Variants in LTBP1 observed in about 807,000 individuals in gnomAD.
The protein encoded by LTBP1 is latent-transforming growth factor beta-binding protein 1.
Under a neutral mutation model 207.6 loss-of-function variants are expected in LTBP1, and 129 were observed. That is an observed-to-expected ratio of 0.62 (90% CI 0.54 to 0.72). The LOEUF is 0.72. Ranked by LOEUF, LTBP1 falls within the 30% of genes least tolerant of loss-of-function variation. The pLI is 0.00. For synonymous variants in LTBP1, 963 were observed against 833.7 expected (o/e 1.16, Z -2.67); for missense variants, 2,281 against 2,217.2 (o/e 1.03, Z -0.58).
At chr2:33,075,351 A>G (rs2078025962) in intron 3 of LTBP1, among the ~76,000 whole-genome samples, 1 of 152,200 alleles carries the variant, frequency 6.6e-6, no homozygotes, top group Non-Finnish European at 1.5e-5. Flanking sequence ...TTGGGGGGCA[A>G]CATTTTCTAA....
At chr2:33,316,770 G>T (rs1285921459) in intron 24 of LTBP1, among the ~76,000 whole-genome samples, 2 of 152,322 alleles carry the variant, frequency 1.3e-5, no homozygotes, top group East Asian at 3.9e-4. Flanking sequence ...CTTCTGCAGA[G>T]ATTACAGTAT....
chr2:33,144,504 G>T (rs1307680574), intron 5 of LTBP1, among the ~76,000 whole-genome samples: 3 of 152,098 alleles, frequency 2.0e-5, no homozygotes, highest in East Asian at 3.9e-4. Context: ...AATACATTTT[G>T]GAACCAAAAG....
intron 24 of LTBP1, among the ~76,000 whole-genome samples, chr2:33,337,063 C>T (rs1272478796): frequency 6.6e-6 from 1 of 152,182 alleles, no homozygotes; most frequent in African/African-American, 2.4e-5. Flanking sequence ...ACCCCAACCT[C>T]TTTTAGAAAA....
At chr2:33,093,265 G>T (rs1309875976) in intron 3 of LTBP1, among the ~76,000 whole-genome samples, 1 of 152,192 alleles carries the variant, frequency 6.6e-6, no homozygotes, top group Non-Finnish European at 1.5e-5. Flanking sequence ...ATTTACAGCG[G>T]TTAAGATGGT....
chr2:33,388,686 C>T (rs569007976), intron 31 of LTBP1, among the ~76,000 whole-genome samples: 2 of 152,274 alleles, frequency 1.3e-5, no homozygotes, highest in South Asian at 2.1e-4. Context: ...GAGTTATAAT[C>T]GTGACTACTA....
rs2087284576 is a variant in LTBP1, at chr2:33,187,069, A to G, written c.1415A>G (p.Gln472Arg). ...TTGCCTCTGACCGTGACTAGCCAGC[A>G]AGGAGTCAAAGGTAAGCTTTTTTCA... ...HTLPLTVTSQ[Q>R]GVKVKFPPNI... is the part of the protein sequence containing the mutation. Residue 472 changes from glutamine to arginine, a missense_variant, in exon 6 of 34, where the codon CAA becomes CGA. This residue lies in a region of LTBP1 where 1,671 missense variants were observed against 1,634.8 expected (regional missense o/e 1.02). Coordinates refer to ENST00000404816, the MANE Select transcript of LTBP1 (RefSeq NM_206943.4). 3 of 1,613,850 alleles carry G rather than the reference A, an allele frequency of 1.9e-6. No individual in the cohort carries two copies. Among genetic ancestry groups the G allele is most frequent in the South Asian group, 2.2e-5 (2 of 91,058 alleles).
chr2:33,121,549 C>T (rs1482613867), intron 4 of LTBP1, among the ~76,000 whole-genome samples: 1 of 152,104 alleles, frequency 6.6e-6, no homozygotes, highest in African/African-American at 2.4e-5. Flanking sequence ...CCCTTAATGG[C>T]TACAGGTGCA....
Position 33,188,643 on chromosome 2 carries a change from A to T in LTBP1, c.1493A>T (p.His498Leu), listed in dbSNP as rs762694510. Residue 498 changes from histidine to leucine, a missense_variant, in exon 7 of 34, where the codon CAT (histidine) becomes CTT (leucine). Physicochemically the swap from His to Leu is moderately conservative, Grantham distance 99. This residue lies in a region of LTBP1 where 1,671 missense variants were observed against 1,634.8 expected (regional missense o/e 1.02). Coordinates refer to ENST00000404816, the MANE Select transcript of LTBP1 (RefSeq NM_206943.4). ...CCTCCTGAAGCTTCCGTCCAGATAC[A>T]TCAGGTTTCAAGAATTGATGGCCCA... ...KHPPEASVQIHQVSRIDGPTG... is the reference protein window; with the variant it reads ...KHPPEASVQILQVSRIDGPTG... 6.2e-7 allele frequency: 1 copy of T among 1,614,156 alleles called. No homozygotes were observed. Among genetic ancestry groups the T allele is most frequent in the Non-Finnish European group, 8.5e-7 (1 of 1,180,006 alleles).
chr2:33,210,038 C>T (rs1483968092), intron 7 of LTBP1, among the ~76,000 whole-genome samples: 1 of 152,234 alleles, frequency 6.6e-6, no homozygotes, highest in Non-Finnish European at 1.5e-5. Flanking sequence ...TGCCCTCTTG[C>T]CATTTACCCA....
At chr2:33,140,293 C>T (rs1466051631) in intron 5 of LTBP1, among the ~76,000 whole-genome samples, 1 of 152,136 alleles carries the variant, frequency 6.6e-6, no homozygotes, top group Non-Finnish European at 1.5e-5. Flanking sequence ...GAGGGGCAAG[C>T]ATATGGAGTT....
At chr2:33,126,037 T>G (rs1319057803) in intron 4 of LTBP1, among the ~76,000 whole-genome samples, 1 of 152,066 alleles carries the variant, frequency 6.6e-6, no homozygotes, top group Non-Finnish European at 1.5e-5. Flanking sequence ...GGTGGTTCAC[T>G]CATGTGACTG....
chr2:33,122,166 C>G lies in LTBP1; in HGVS notation c.1033+11415C>G, dbSNP rs1013317802. Among the ~76,000 whole-genome samples the G allele has an allele frequency of 2.0e-5, 3 of 149,690 alleles. No individual in the cohort carries two copies. The East Asian group carries it at 5.8e-4, about 29-fold the overall frequency. On this transcript the variant is annotated intron_variant, in intron 4 of 33. Coordinates refer to ENST00000404816, the MANE Select transcript of LTBP1 (RefSeq NM_206943.4). ...GTGGAACGAGTCTATGGGTTCGGAGCGGGAGCTTCGTTCGAGAGGAATTGC... is the reference window on the plus strand; with the variant it reads ...GTGGAACGAGTCTATGGGTTCGGAGGGGGAGCTTCGTTCGAGAGGAATTGC...
intron 31 of LTBP1, 60 bp from the exon 32 acceptor site, chr2:33,389,124 G>C: frequency 6.2e-7 from 1 of 1,608,986 alleles, no homozygotes; most frequent in Non-Finnish European, 8.5e-7. Flanking sequence ...GAGCTGCGAG[G>C]GGGTGGGGCA....
At position 33,082,431 on chromosome 2, in the gene LTBP1, A is replaced by AATTTTT. The variant is rs2078468929; in HGVS notation, c.864-28151_864-28150insATTTTT. ...GTTAACCGTGGCTAAAGTATGACTC[A>AATTTTT]CTTTTTTTTTTTTTTTTTTTTTTTT... On this transcript the variant is annotated intron_variant, in intron 3 of 33. Coordinates refer to ENST00000404816, the MANE Select transcript of LTBP1 (RefSeq NM_206943.4). Among the ~76,000 whole-genome samples the AATTTTT allele has an allele frequency of 3.4e-5, 4 of 116,044 alleles. 2 individuals carry two copies. The allele number at this position is 116,044 out of a possible 152,430, so 76.1% of individuals were successfully genotyped here. A position where few individuals can be genotyped will look rare whatever the true frequency, so the allele number is the denominator to read the frequency against.
chr2:33,267,804 T>G lies in LTBP1; in HGVS notation c.2617+4412T>G, dbSNP rs568150331. ...TGCAGTTTCAACATTTAAATGTAGC[T>G]GTGTGAAGGGTAACAAATTGAAGTT... On this transcript the variant is annotated intron_variant, in intron 15 of 33. Transcript: ENST00000404816. Among the ~76,000 whole-genome samples, 303 of 152,360 alleles carry G rather than the reference T, an allele frequency of 2.0e-3. 3 individuals are homozygous for G. Among genetic ancestry groups the G allele is most frequent in the African/African-American group, 6.6e-3 (274 of 41,588 alleles).
intron 31 of LTBP1, among the ~76,000 whole-genome samples, chr2:33,365,780 A>G (rs2150111231): frequency 6.6e-6 from 1 of 152,294 alleles, no homozygotes; most frequent in South Asian, 2.1e-4. Context: ...CTTAGCAATC[A>G]GTGGCATAGG....
At chr2:32,968,915 G>GTTTT (rs758748013) in intron 2 of LTBP1, among the ~76,000 whole-genome samples, 1 of 86,248 alleles carries the variant, frequency 1.2e-5, no homozygotes. Flanking sequence ...GTGTGTGTGT[G>GTTTT]TATTTTTTTT....
intron 10 of LTBP1, among the ~76,000 whole-genome samples, chr2:33,246,484 CACACACACACAG>C (rs1371920388): frequency 1.3e-5 from 2 of 151,854 alleles, no homozygotes; most frequent in African/African-American, 2.4e-5. Flanking sequence ...CACACGCACA[CACACACACACAG>C]ACACACACAC....
At chr2:33,261,080 C>T (rs1302811200) in intron 13 of LTBP1, among the ~76,000 whole-genome samples, 4 of 152,118 alleles carry the variant, frequency 2.6e-5, no homozygotes, top group Admixed American at 2.0e-4. Flanking sequence ...CAGCAAGGGT[C>T]ATGAAAGACT....
Sources: allele counts gnomAD v4.1 joint callset (sites outside exome capture counted in the v4.1 genomes callset), GRCh38; gene constraint gnomAD v4.1.1; regional missense constraint gnomAD v4.1.1; transcripts MANE v1.5; gene names NCBI Gene and HGNC (gene_info 2026-07-23, HGNC 2026-07-21).